Variants in ADAM22 observed in about 807,000 individuals in gnomAD.
The protein encoded by ADAM22 is disintegrin and metalloproteinase domain-containing protein 22.
ADAM22 carries 65 observed loss-of-function variants against 144.6 expected under a neutral mutation model. The ratio of observed to expected loss-of-function variants is 0.45; its 90% CI spans 0.37 to 0.55. The LOEUF is 0.55. ADAM22 is among the 20% of genes least tolerant of loss of function. The pLI, the probability that ADAM22 is intolerant of heterozygous loss-of-function variation, is 0.00. For synonymous variants in ADAM22, 391 were observed against 412.6 expected (o/e 0.95, Z 0.63); for missense variants, 974 against 1,184.9 (o/e 0.82, Z 2.61).
At chr7:88,127,058 G>A (rs1830592095) in intron 8 of ADAM22, among the ~76,000 whole-genome samples, 1 of 151,120 alleles carries the variant, frequency 6.6e-6, no homozygotes, top group African/African-American at 2.4e-5. Flanking sequence ...TGTTGTGAAT[G>A]TTTATATATA....
chr7:88,199,272 G>A lies in ADAM22; in HGVS notation c.*2781G>A, dbSNP rs1563458833. ...TACAAAATCATTGCTAAGCAGAAGA[G>A]AGCAGTTATTTGGCCTTTATGTTCC... On this transcript the variant is annotated 3_prime_UTR_variant, in exon 32 of 32. Transcript: ENST00000413139. The A allele has an allele frequency of 6.6e-6, 1 of 152,294 alleles. No individual in the cohort carries two copies. The highest frequency in any genetic ancestry group is 2.1e-4 in the South Asian group (1 of 4,824). 9.4% of individuals were successfully genotyped at this position (152,294 alleles called of 1,614,324 possible).
chr7:88,130,825 T>G (rs1831582006), intron 10 of ADAM22, among the ~76,000 whole-genome samples: 1 of 152,090 alleles, frequency 6.6e-6, no homozygotes, highest in African/African-American at 2.4e-5. Context: ...ACTAAATAAT[T>G]CCACTATACC....
At chr7:88,187,281 T>C (rs1848534693) in intron 30 of ADAM22, among the ~76,000 whole-genome samples, 1 of 152,222 alleles carries the variant, frequency 6.6e-6, no homozygotes, top group African/African-American at 2.4e-5. Flanking sequence ...TATAACCATT[T>C]CCTACCAGAG....
intron 4 of ADAM22, among the ~76,000 whole-genome samples, chr7:88,082,883 G>A (rs1031020586): frequency 6.6e-5 from 10 of 152,258 alleles, no homozygotes; most frequent in African/African-American, 2.2e-4. Flanking sequence ...CTTTTACACT[G>A]TTGGTGGGAC....
chr7:88,165,358 T>C (rs941594525), intron 23 of ADAM22, among the ~76,000 whole-genome samples: 1 of 152,106 alleles, frequency 6.6e-6, no homozygotes, highest in Non-Finnish European at 1.5e-5. Flanking sequence ...TGTGGAACTT[T>C]CTTCTCAGCC....
chr7:88,009,760 A>G (rs188050144), intron 3 of ADAM22, among the ~76,000 whole-genome samples: 1 of 152,188 alleles, frequency 6.6e-6, no homozygotes, highest in Admixed American at 6.5e-5. Context: ...TTTTATCCCT[A>G]CTACCCTATC....
intron 30 of ADAM22, among the ~76,000 whole-genome samples, chr7:88,187,750 C>G (rs937777593): frequency 6.6e-6 from 1 of 152,140 alleles, no homozygotes; most frequent in East Asian, 1.9e-4. Flanking sequence ...ACTCTCAGCA[C>G]CCGTATAAGG....
chr7:87,966,452 T>C lies in ADAM22; in HGVS notation c.247-11884T>C, dbSNP rs531670188. Among the ~76,000 whole-genome samples, 4 of 152,324 alleles carry C rather than the reference T, an allele frequency of 2.6e-5. No homozygotes were observed. In the South Asian group the frequency reaches 8.3e-4, roughly 32 times the overall value. On this transcript the variant is annotated intron_variant, in intron 2 of 31. Coordinates refer to ENST00000413139, the MANE Select transcript of ADAM22 (RefSeq NM_001324418.2). The stretch of plus-strand genomic sequence containing the variant: ...AATGGGCAGTTAATGGCCAAGATGA[T>C]GGAGAGACTGATTTATCAGAAGATA...
At chr7:88,187,782 C>T (rs1004305702) in intron 30 of ADAM22, among the ~76,000 whole-genome samples, 3 of 152,136 alleles carry the variant, frequency 2.0e-5, no homozygotes, top group Admixed American at 6.5e-5. Context: ...TTCCAGTGTA[C>T]CATTTAGTTT....
intron 2 of ADAM22, among the ~76,000 whole-genome samples, chr7:87,977,924 A>C (rs1320197535): frequency 6.6e-6 from 1 of 152,214 alleles, no homozygotes; most frequent in Non-Finnish European, 1.5e-5. Context: ...AGGTTTAGAT[A>C]TCTTCTTTCT....
chr7:88,015,886 G>A (rs946890567), intron 3 of ADAM22, among the ~76,000 whole-genome samples: 2 of 151,914 alleles, frequency 1.3e-5, no homozygotes, highest in Non-Finnish European at 1.5e-5. Flanking sequence ...ACATTTTTTA[G>A]TGAATTAATT....
intron 4 of ADAM22, among the ~76,000 whole-genome samples, chr7:88,084,205 G>T (rs1817772691): frequency 6.6e-6 from 1 of 152,104 alleles, no homozygotes; most frequent in African/African-American, 2.4e-5. Context: ...AATCAGCAAA[G>T]TGCACTTCAC....
At chr7:88,069,546 A>G (rs967756005) in intron 3 of ADAM22, among the ~76,000 whole-genome samples, 1 of 152,204 alleles carries the variant, frequency 6.6e-6, no homozygotes, top group Non-Finnish European at 1.5e-5. Context: ...GCCTTCTTTA[A>G]TCAACCACAG....
At chr7:88,180,873 G>A (rs995217803) in intron 27 of ADAM22, among the ~76,000 whole-genome samples, 2 of 152,056 alleles carry the variant, frequency 1.3e-5, no homozygotes, top group African/African-American at 4.8e-5. Context: ...TGGGCTCAAT[G>A]GTACATGGGC....
intron 27 of ADAM22, among the ~76,000 whole-genome samples, chr7:88,180,025 C>A (rs983479917): frequency 2.6e-5 from 4 of 152,002 alleles, no homozygotes; most frequent in Admixed American, 2.6e-4. Flanking sequence ...AGTGGATCAT[C>A]TGTAAATATT....
intron 3 of ADAM22, among the ~76,000 whole-genome samples, chr7:88,053,417 C>T (rs1807062290): frequency 6.6e-6 from 1 of 151,948 alleles, no homozygotes; most frequent in East Asian, 1.9e-4. Flanking sequence ...TGCAGCAAGC[C>T]ATGATTGCAC....
At chr7:88,039,464 A>AAAAAAAAAAAAAAAAAAAAATATATAT in intron 3 of ADAM22, among the ~76,000 whole-genome samples, 3 of 76,398 alleles carry the variant, frequency 3.9e-5, no homozygotes, top group African/African-American at 1.4e-4. Flanking sequence ...AAAAAAAAAA[A>AAAAAAAAAAAAAAAAAAAAATATATAT]ATATATATAT....
At chr7:88,193,938 G>A (rs1850145529) in intron 31 of ADAM22, among the ~76,000 whole-genome samples, 1 of 152,102 alleles carries the variant, frequency 6.6e-6, no homozygotes. Context: ...AAGCTGTGTA[G>A]ATCACTATAA....
At chr7:88,093,478 G>T (rs1448817131) in intron 4 of ADAM22, among the ~76,000 whole-genome samples, 2 of 152,048 alleles carry the variant, frequency 1.3e-5, no homozygotes, top group East Asian at 3.8e-4. Context: ...TTTGAAGGAG[G>T]ATAATTGATC....
Sources: allele counts gnomAD v4.1 joint callset (sites outside exome capture counted in the v4.1 genomes callset), GRCh38; gene constraint gnomAD v4.1.1; transcripts MANE v1.5; gene names NCBI Gene and HGNC (gene_info 2026-07-23, HGNC 2026-07-21).